CYP46A1: variants seen among roughly 807,000 people sequenced by gnomAD.
CYP46A1 encodes the protein cholesterol 24-hydroxylase.
Under a neutral mutation model 63.3 loss-of-function variants are expected in CYP46A1, and 20 were observed. The observed-to-expected ratio is 0.32, with a 90% confidence interval of 0.22 to 0.46. CYP46A1 has a LOEUF of 0.46. Among genes scored for constraint, CYP46A1 ranks in the 20% least tolerant of loss-of-function variants. The pLI is 1.00. For synonymous variants in CYP46A1, 268 were observed against 273.6 expected (o/e 0.98, Z 0.20); for missense variants, 445 against 670.8 (o/e 0.66, Z 3.72).
chr14:99,714,077 A>C (rs912692293), intron 7 of CYP46A1, among the ~76,000 whole-genome samples: 2 of 152,194 alleles, frequency 1.3e-5, no homozygotes, highest in South Asian at 4.1e-4. Flanking sequence ...TTGGCAAAGG[A>C]TCTGAATAGA....
intron 3 of CYP46A1, among the ~76,000 whole-genome samples, chr14:99,692,273 A>G (rs1439350970): frequency 1.3e-5 from 2 of 152,268 alleles, no homozygotes; most frequent in Non-Finnish European, 2.9e-5. Context: ...AGTGCTTACT[A>G]TGTACTTTTC....
intron 5 of CYP46A1, among the ~76,000 whole-genome samples, chr14:99,701,872 C>A (rs1255818325): frequency 3.3e-5 from 5 of 152,094 alleles, no homozygotes; most frequent in Non-Finnish European, 7.4e-5. Context: ...GAGTTCATGA[C>A]CAGCCTAGCC....
chr14:99,718,615 G>A (rs1161048114), intron 10 of CYP46A1, among the ~76,000 whole-genome samples: 4 of 152,106 alleles, frequency 2.6e-5, no homozygotes, highest in Admixed American at 6.6e-5. Context: ...TGGTATTTGA[G>A]TCGGGCCATT....
intron 5 of CYP46A1, among the ~76,000 whole-genome samples, chr14:99,704,613 A>G (rs1428994807): frequency 6.6e-6 from 1 of 152,362 alleles, no homozygotes; most frequent in East Asian, 1.9e-4. Flanking sequence ...TTGTTTCTAC[A>G]ATAGCTGCAA....
chr14:99,701,221 G>A (rs970967582), intron 5 of CYP46A1, among the ~76,000 whole-genome samples: 4 of 152,148 alleles, frequency 2.6e-5, no homozygotes, highest in Non-Finnish European at 5.9e-5. Flanking sequence ...TTTTAACTCA[G>A]TGTAGCCTGT....
chr14:99,707,755 A>T (rs879210016), intron 7 of CYP46A1, 77 bp downstream of exon 7: 30 of 973,586 alleles, frequency 3.1e-5, no homozygotes, highest in Non-Finnish European at 3.4e-5. Context: ...TCCTTCAGTG[A>T]TTTTTTTTTT....
chr14:99,726,101 C>T, intron 13 of CYP46A1, 89 bp from the exon 14 acceptor site: 1 of 1,213,848 alleles, frequency 8.2e-7, no homozygotes, highest in Non-Finnish European at 1.2e-6. Context: ...TGTGTTCATC[C>T]AGACCTGGGT....
In CYP46A1 at chr14:99,707,573, T is replaced by C. The variant is rs769357422; in HGVS notation, c.588T>C (p.Ala196=). 1 of 1,613,960 alleles carries C rather than the reference T, an allele frequency of 6.2e-7. No homozygotes were observed. The highest frequency in any genetic ancestry group is 1.1e-5 in the South Asian group (1 of 91,064). ...YTAMDILAKA[A]FGMETSMLLG... The stretch of plus-strand genomic sequence containing the variant: ...TGCCCTTCTCTCTCCCCCAGGCAGC[T>C]TTTGGGATGGAGACCAGTATGCTGC... Residue 196 remains alanine, a synonymous_variant, in exon 7 of 15, where the codon GCT becomes GCC. Transcript: ENST00000261835.
chr14:99,709,965 A>T (rs2056714722), intron 7 of CYP46A1: 1 of 152,212 alleles, frequency 6.6e-6, no homozygotes, highest in South Asian at 2.1e-4. Context: ...AGTCAAGATT[A>T]TAGTACCCAG....
At position 99,696,741 on chromosome 14, in the gene CYP46A1, A is replaced by G. The variant is rs183331398; in HGVS notation, c.283-2725A>G. On this transcript the variant is annotated intron_variant, in intron 3 of 14. Transcript: ENST00000261835. Reference sequence around the variant, plus strand: ...CATTCCATTATCTGGGCCTGGGTATAGGTCATAATATCCTGCTTTGTGGCA... The same window carrying G: ...CATTCCATTATCTGGGCCTGGGTATGGGTCATAATATCCTGCTTTGTGGCA... 7.4e-4 allele frequency among the ~76,000 whole-genome samples: 112 copies of G among 152,306 alleles called. 1 individual carries two copies. The highest frequency in any genetic ancestry group is 3.4e-3 in the Middle Eastern group (1 of 294).
chr14:99,719,582 T>A (rs1044690672), intron 10 of CYP46A1, among the ~76,000 whole-genome samples: 3 of 151,796 alleles, frequency 2.0e-5, no homozygotes, highest in Non-Finnish European at 4.4e-5. Flanking sequence ...CGCCTCCCCA[T>A]CCCTGGTAAC....
Position 99,718,059 on chromosome 14 carries a change from G to A in CYP46A1, c.913G>A (p.Glu305Lys), listed in dbSNP as rs889353794. Residue 305 changes from glutamate (E) to lysine (K), a missense_variant, in exon 10 of 15, where the codon GAG becomes AAG. Transcript: ENST00000261835. ...NFVTFFIAGH[E>K]TSANHLAFTV... ...ACCGTCCTCCCTTCCCACAGGTCAC[G>A]AGACCTCTGCCAACCACTTGGCGTT... The A allele has an allele frequency of 1.9e-6, 3 of 1,613,946 alleles. No homozygotes were observed. Among genetic ancestry groups the A allele is most frequent in the Non-Finnish European group, 2.5e-6 (3 of 1,179,840 alleles).
intron 12 of CYP46A1, among the ~76,000 whole-genome samples, chr14:99,723,599 G>A (rs558481617): frequency 1.8e-4 from 27 of 152,338 alleles, no homozygotes; most frequent in East Asian, 1.5e-3. Flanking sequence ...GTGAGCCAGC[G>A]CGCCCAGCCC....
chr14:99,726,519 C>G (rs1207921310), intron 14 of CYP46A1, 38 bp from the exon 15 acceptor site: 21 of 1,512,846 alleles, frequency 1.4e-5, no homozygotes, highest in Non-Finnish European at 1.9e-5. Flanking sequence ...TCTGTCTTTG[C>G]TCCTTCATTC....
intron 7 of CYP46A1, 98 bp from the exon 8 acceptor site, chr14:99,715,712 C>G: frequency 1.3e-6 from 2 of 1,519,604 alleles, no homozygotes; most frequent in Non-Finnish European, 1.8e-6. Flanking sequence ...GACCTCCCAG[C>G]TTGCCAGTGC....
At chr14:99,702,017 C>T (rs1036811138) in intron 5 of CYP46A1, among the ~76,000 whole-genome samples, 1 of 142,060 alleles carries the variant, frequency 7.0e-6, no homozygotes, top group Non-Finnish European at 1.5e-5. Flanking sequence ...TTGAAGTGAG[C>T]TGAGATCACT....
intron 10 of CYP46A1, among the ~76,000 whole-genome samples, chr14:99,719,905 G>A (rs903773766): frequency 6.6e-6 from 1 of 151,794 alleles, no homozygotes; most frequent in Non-Finnish European, 1.5e-5. Context: ...GGGACTATAG[G>A]TGCACGCCAC....
intron 1 of CYP46A1, among the ~76,000 whole-genome samples, chr14:99,686,162 C>T (rs1365161404): frequency 2.0e-5 from 3 of 152,076 alleles, no homozygotes; most frequent in East Asian, 1.9e-4. Context: ...GGAAATCTCC[C>T]GTGAGTTCCG....
In CYP46A1 at chr14:99,724,784, C is replaced by G. The variant is rs137954852; in HGVS notation, c.1177-607C>G. On this transcript the variant is annotated intron_variant, in intron 12 of 14. Coordinates refer to ENST00000261835, the MANE Select transcript of CYP46A1 (RefSeq NM_006668.2). Reference sequence around the variant, plus strand: ...CCTGCACCCTCTGCTGCACTGACCCCCAGCACAGAGAGCCAGGGGTGGAAC... The same window carrying G: ...CCTGCACCCTCTGCTGCACTGACCCGCAGCACAGAGAGCCAGGGGTGGAAC... 4.1e-3 allele frequency among the ~76,000 whole-genome samples: 618 copies of G among 152,322 alleles called. 6 individuals carry two copies. The highest frequency in any genetic ancestry group is 0.014 in the African/African-American group (592 of 41,572).
Sources: allele counts gnomAD v4.1 joint callset (sites outside exome capture counted in the v4.1 genomes callset), GRCh38; gene constraint gnomAD v4.1.1; transcripts MANE v1.5; gene names NCBI Gene and HGNC (gene_info 2026-07-23, HGNC 2026-07-21).